The following SREBF1 variants were observed in gnomAD, a reference collection of about 807,000 sequenced individuals.
SREBF1 encodes the protein sterol regulatory element-binding protein 1.
SREBF1 carries 45 observed loss-of-function variants against 100.1 expected under a neutral mutation model. That is an observed-to-expected ratio of 0.45 (90% CI 0.35 to 0.58). The LOEUF (loss-of-function observed/expected upper bound fraction) is 0.58. Among genes scored for constraint, SREBF1 ranks in the 20% least tolerant of loss-of-function variants. SREBF1 has a pLI of 0.00. For synonymous variants in SREBF1, 657 were observed against 681.8 expected, an observed-to-expected ratio of 0.96 and a Z score of 0.57; for missense variants, 1,324 against 1,539.4, an observed-to-expected ratio of 0.86 and a Z score of 2.34.
chr17:17,817,581 AGTTAT>A lies in SREBF1; in HGVS notation c.1404+110_1404+114del. 6.5e-7 allele frequency: 1 copy of A among 1,533,312 alleles called. No homozygotes were observed. The highest frequency in any genetic ancestry group is 1.2e-5 in the South Asian group (1 of 85,136). The allele number at this position is 1,533,312 out of a possible 1,614,324, so 95.0% of individuals were successfully genotyped here. A position where few individuals can be genotyped will look rare whatever the true frequency, so the allele number is the denominator to read the frequency against. On this transcript the variant is annotated intron_variant, in intron 7 of 18. Coordinates refer to ENST00000261646, the MANE Select transcript of SREBF1 (RefSeq NM_004176.5). The surrounding 1 kb of genome is among the most constrained non-coding windows in gnomAD (Gnocchi z 6.6). ...GGGACCCCACGTGGCTCCAGGCCTC[AGTTAT>A]TCTGTCTATGAAATGGGAGGTAGGA...
chr17:17,832,561 G>A (rs935780936), intron 1 of SREBF1, among the ~76,000 whole-genome samples: 1 of 152,128 alleles, frequency 6.6e-6, no homozygotes. Flanking sequence ...AAGCAGGCTC[G>A]ACCTCTGACC....
Position 17,819,130 on chromosome 17 carries a change from A to T in SREBF1, c.951T>A (p.Ser317=). The change falls in exon 5 of 19, where the codon TCT becomes TCA. Residue 317 remains serine (S), a synonymous_variant. Coordinates refer to ENST00000261646, the MANE Select transcript of SREBF1 (RefSeq NM_004176.5). ...TGCGCTTCTCTCCACGGCTCTGGGC[A>T]GAGGCCGGGGCCTTGCTGCCAGCTG... ...RLAAGSKAPA[S]AQSRGEKRTA... 6.2e-7 allele frequency: 1 copy of T among 1,614,156 alleles called. No individual in the cohort carries two copies. The highest frequency in any genetic ancestry group is 8.5e-7 in the Non-Finnish European group (1 of 1,180,046).
Position 17,815,297 on chromosome 17 carries a change from G to A in SREBF1, c.2416C>T (p.Arg806Trp), listed in dbSNP as rs748467290. 6.4e-5 allele frequency: 103 copies of A among 1,613,520 alleles called. No homozygotes were observed. The highest frequency in any genetic ancestry group is 1.6e-4 in the Middle Eastern group (1 of 6,082). Residue 806 changes from arginine (R) to tryptophan (W), a missense_variant, in exon 13 of 19, where the codon CGG becomes TGG. Arg to Trp is a moderately radical substitution (Grantham distance 101). Transcript: ENST00000261646. ...AGTGCTCGCTCTAAGAGATGTTCCC[G>A]GAATAGCTGAGTCACCTGGGCCAGG... is the stretch of plus-strand genomic sequence containing the variant. ...DPLAQVTQLF[R>W]EHLLERALNC...
At position 17,811,807 on chromosome 17, in the gene SREBF1, G is replaced by T. The variant is rs2032881449; in HGVS notation, c.*815C>A. On this transcript the variant is annotated 3_prime_UTR_variant, in exon 19 of 19. Coordinates refer to ENST00000261646, the MANE Select transcript of SREBF1 (RefSeq NM_004176.5). Reference sequence around the variant, plus strand: ...GACCTGATGGGGACAGAGCTGGGAGGTGAGAAGGGACAACTGACCCCATGG... The same window carrying T: ...GACCTGATGGGGACAGAGCTGGGAGTTGAGAAGGGACAACTGACCCCATGG... 3 of 452,178 alleles carry T rather than the reference G, an allele frequency of 6.6e-6. No individual in the cohort carries two copies. Among genetic ancestry groups the T allele is most frequent in the Non-Finnish European group, 1.3e-5 (3 of 225,108 alleles). 28.0% of individuals were successfully genotyped at this position (452,178 alleles called of 1,614,324 possible).
Position 17,834,025 on chromosome 17 carries a change from C to CAGAGAGAGAGAGAG in SREBF1, c.91+2701_91+2702insCTCTCTCTCTCTCT, listed in dbSNP as rs113396102. Among the ~76,000 whole-genome samples, 478 of 147,590 alleles carry CAGAGAGAGAGAGAG rather than the reference C, an allele frequency of 3.2e-3. 2 individuals carry two copies. The highest frequency in any genetic ancestry group is 0.011 in the African/African-American group (432 of 39,284). ...ACCCATCCCCAAACACATATAAACACACAGAGAGAGAGAGAGAGAGAGAAG... is the reference window on the plus strand; with the variant it reads ...ACCCATCCCCAAACACATATAAACACAGAGAGAGAGAGAGACAGAGAGAGAGAGAGAGAGAGAAG... On this transcript the variant is annotated intron_variant, in intron 1 of 18. Transcript: ENST00000261646.
intron 1 of SREBF1, among the ~76,000 whole-genome samples, chr17:17,822,323 C>A (rs2034156796): frequency 6.6e-6 from 1 of 152,284 alleles, no homozygotes; most frequent in Admixed American, 6.5e-5. Context: ...CTGCTGGCCA[C>A]ATGGCCAACC....
chr17:17,817,207 G>T lies in SREBF1; in HGVS notation c.1606+49C>A. The T allele has an allele frequency of 1.2e-6, 2 of 1,610,130 alleles. No homozygotes were observed. The highest frequency in any genetic ancestry group is 1.7e-6 in the Non-Finnish European group (2 of 1,178,590). Reference sequence around the variant, plus strand: ...GAGCCCCAAGTTCACAAGCCTGGGGGCTCACCCCGAGTGTCCCTCCCAAAG... The same window carrying T: ...GAGCCCCAAGTTCACAAGCCTGGGGTCTCACCCCGAGTGTCCCTCCCAAAG... On this transcript the variant is annotated intron_variant, in intron 8 of 18. Coordinates refer to ENST00000261646, the MANE Select transcript of SREBF1 (RefSeq NM_004176.5). The surrounding 1 kb of genome is among the most constrained non-coding windows in gnomAD (Gnocchi z 6.6).
chr17:17,836,164 G>C (rs1012814551), intron 1 of SREBF1, among the ~76,000 whole-genome samples: 19 of 152,270 alleles, frequency 1.2e-4, no homozygotes, highest in African/African-American at 3.9e-4. Context: ...CCTAAGACGG[G>C]GCCTGGCATT....
In SREBF1 at chr17:17,820,212, G is replaced by T. The variant is rs1259728366; in HGVS notation, c.401C>A (p.Thr134Asn). The T allele has an allele frequency of 1.2e-6, 2 of 1,613,570 alleles. No individual in the cohort carries two copies. Among genetic ancestry groups the T allele is most frequent in the Admixed American group, 3.3e-5 (2 of 60,014 alleles). The part of the protein sequence containing the change: ...EESVPLSILQ[T>N]PTPQPLPGAL... ...CCCTGGCAGGGGCTGTGGGGTGGGG[G>T]TCTGCAGGATGCTCAGTGGCACTGA... is the stretch of plus-strand genomic sequence containing the variant. Residue 134 changes from threonine to asparagine, a missense_variant, in exon 2 of 19, where the codon ACC becomes AAC. By Grantham distance (65) the Thr-to-Asn change is moderately conservative (BLOSUM62 0). Coordinates refer to ENST00000261646, the MANE Select transcript of SREBF1 (RefSeq NM_004176.5).
Position 17,816,364 on chromosome 17 carries a change from G to C in SREBF1, c.2057C>G (p.Thr686Arg), listed in dbSNP as rs763204061. 6.3e-7 allele frequency: 1 copy of C among 1,587,882 alleles called. No homozygotes were observed. The highest frequency in any genetic ancestry group is 1.8e-5 in the Admixed American group (1 of 56,214). ...GTTGGTGGCAGTGAGGTGCCCGCCT[G>C]TGTGCTTCCCTGGAAGGCAAGCAGG... ...LHQLHTMGKH[T>R]GGHLTATNLA... Residue 686 changes from threonine (T) to arginine (R), a missense_variant, in exon 11 of 19, where the codon ACA becomes AGA. Physicochemically the swap from Thr to Arg is moderately conservative, Grantham distance 71. Coordinates refer to ENST00000261646, the MANE Select transcript of SREBF1 (RefSeq NM_004176.5).
Position 17,812,833 on chromosome 17 carries a change from T to G in SREBF1, c.3233A>C (p.Glu1078Ala), listed in dbSNP as rs901388614. Residue 1078 changes from glutamate (E) to alanine (A), a missense_variant, in exon 19 of 19, where the codon GAG becomes GCG. Physicochemically the swap from Glu to Ala is moderately radical, Grantham distance 107. Coordinates refer to ENST00000261646, the MANE Select transcript of SREBF1 (RefSeq NM_004176.5). ...GGKGGAVAEL[E>A]PRPTRREHAE... ...GTGCTCCCGCCGCGTGGGCCGCGGC[T>G]CCAGCTCCGCCACCGCGCCTGCGCA... is the stretch of plus-strand genomic sequence containing the variant. 15 of 1,473,810 alleles carry G rather than the reference T, an allele frequency of 1.0e-5. No homozygotes were observed. The highest frequency in any genetic ancestry group is 1.3e-5 in the Non-Finnish European group (15 of 1,119,998). 91.3% of individuals were successfully genotyped at this position (1,473,810 alleles called of 1,614,324 possible). A position where few individuals can be genotyped will look rare whatever the true frequency, so the allele number is the denominator to read the frequency against.
At chr17:17,836,639 G>T in intron 1 of SREBF1, 88 bp downstream of exon 1, 1 of 1,346,688 alleles carries the variant, frequency 7.4e-7, no homozygotes, top group Non-Finnish European at 1.0e-6. Context: ...GCTGGCGCCC[G>T]TGGGGGAGAC....
At chr17:17,826,431 C>T (rs2034495470) in intron 1 of SREBF1, among the ~76,000 whole-genome samples, 1 of 152,126 alleles carries the variant, frequency 6.6e-6, no homozygotes, top group Admixed American at 6.5e-5. Context: ...TAGGGGCTCA[C>T]TGTGGCACCC....
chr17:17,825,020 G>C (rs2034395395), intron 1 of SREBF1, among the ~76,000 whole-genome samples: 1 of 152,192 alleles, frequency 6.6e-6, no homozygotes, highest in African/African-American at 2.4e-5. Context: ...CAAAGGCTCT[G>C]ACATGAGTGA....
chr17:17,834,743 G>A (rs982170613), intron 1 of SREBF1, among the ~76,000 whole-genome samples: 11 of 152,170 alleles, frequency 7.2e-5, no homozygotes, highest in African/African-American at 2.2e-4. Flanking sequence ...GGCTGGGAGC[G>A]GTGGCTCACA....
Position 17,811,844 on chromosome 17 carries a change from G to A in SREBF1, c.*778C>T. On this transcript the variant is annotated 3_prime_UTR_variant, in exon 19 of 19. Transcript: ENST00000261646. Reference sequence around the variant, plus strand: ...AACTGACCCCATGGAGGCCCTAAGGGTTGACACAGCCCAACCATGTGCCCT... The same window carrying A: ...AACTGACCCCATGGAGGCCCTAAGGATTGACACAGCCCAACCATGTGCCCT... 2.2e-6 allele frequency: 1 copy of A among 446,006 alleles called. No individual in the cohort carries two copies. The highest frequency in any genetic ancestry group is 1.6e-5 in the South Asian group (1 of 63,752). 27.6% of individuals were successfully genotyped at this position (446,006 alleles called of 1,614,324 possible).
chr17:17,836,791 C>T lies in SREBF1; in HGVS notation c.27G>A (p.Ala9=). The change falls in exon 1 of 19, where the codon GCG becomes GCA. Residue 9 remains alanine, a synonymous_variant. Coordinates refer to ENST00000261646, the MANE Select transcript of SREBF1 (RefSeq NM_004176.5). Reference sequence around the variant, plus strand: ...GCTCGCCCAGCGCCTGCTCCAAAGCCGCCTCGCTGAAGGGTGGCTCGTCCA... The same window carrying T: ...GCTCGCCCAGCGCCTGCTCCAAAGCTGCCTCGCTGAAGGGTGGCTCGTCCA... The part of the protein sequence containing the change: MDEPPFSE[A]ALEQALGEPC... 3.9e-6 allele frequency: 6 copies of T among 1,553,770 alleles called. No homozygotes were observed. The highest frequency in any genetic ancestry group is 1.2e-5 in the South Asian group (1 of 85,266).
chr17:17,813,732 A>C lies in SREBF1; in HGVS notation c.2939T>G (p.Val980Gly). Reference sequence around the variant, plus strand: ...CTGCTGCCGCCACAGGCTGGTGCGCACCACAAGAAGCAGGTCACACAGGAA... The same window carrying C: ...CTGCTGCCGCCACAGGCTGGTGCGCCCCACAAGAAGCAGGTCACACAGGAA... ...QLFLCDLLLV[V>G]RTSLWRQQQP... The change falls in exon 17 of 19, where the codon GTG (valine) becomes GGG (glycine). Residue 980 changes from valine to glycine, a missense_variant. Physicochemically the swap from Val to Gly is moderately radical, Grantham distance 109 (BLOSUM62 -3). Coordinates refer to ENST00000261646, the MANE Select transcript of SREBF1 (RefSeq NM_004176.5). 7 of 1,535,740 alleles carry C rather than the reference A, an allele frequency of 4.6e-6. No individual in the cohort carries two copies. Among genetic ancestry groups the C allele is most frequent in the Non-Finnish European group, 5.2e-6 (6 of 1,146,952 alleles).
At position 17,816,950 on chromosome 17, in the gene SREBF1, C is replaced by T; in HGVS notation, c.1785+8G>A. The T allele has an allele frequency of 6.2e-7, 1 of 1,612,796 alleles. No individual in the cohort carries two copies. The highest frequency in any genetic ancestry group is 1.1e-5 in the South Asian group (1 of 91,086). On this transcript the variant is annotated splice_region_variant and intron_variant, in intron 9 of 18. Transcript: ENST00000261646. ...GCCCTGCCCACTCTGCCGGGGCCAG[C>T]CCCTTACCCGGGCCAGGTCCAGGTC...
Sources: allele counts gnomAD v4.1 joint callset (sites outside exome capture counted in the v4.1 genomes callset), GRCh38; gene constraint gnomAD v4.1.1; non-coding constraint Gnocchi (gnomAD v3.1); transcripts MANE v1.5; gene names NCBI Gene and HGNC (gene_info 2026-07-23, HGNC 2026-07-21).